Variants in DNAH11 observed in about 807,000 individuals in gnomAD.
The protein encoded by DNAH11 is dynein axonemal heavy chain 11.
In DNAH11, 442 loss-of-function variants were observed where a neutral mutation model predicts 526.0. The ratio of observed to expected loss-of-function variants is 0.84; its 90% confidence interval spans 0.78 to 0.91. The LOEUF (loss-of-function observed/expected upper bound fraction) is 0.91, where lower values mean the gene tolerates loss of function less well. DNAH11 is among the 40% of genes least tolerant of loss of function. The pLI, the probability that DNAH11 is intolerant of heterozygous loss-of-function variation, is 0.00. For missense variants in DNAH11, 6,989 were observed against 5,448.7 expected, an observed-to-expected ratio of 1.28 and a Z score of -8.90; for synonymous variants, 2,461 against 1,935.9, an observed-to-expected ratio of 1.27 and a Z score of -7.12.
rs961348791 is a variant in DNAH11, at chr7:21,567,692, A to G, written c.1195-2377A>G. ...GATCTACTTTACTCAGTTTCATTAC[A>G]TGCTTGACCCTATGACGGGAATGCC... is the stretch of plus-strand genomic sequence containing the variant. On this transcript the variant is annotated intron_variant, in intron 6 of 81. Transcript: ENST00000409508. Among the ~76,000 whole-genome samples the G allele has an allele frequency of 5.9e-5, 9 of 152,336 alleles. No homozygotes were observed. The South Asian group carries it at 1.9e-3, about 32-fold the overall frequency.
chr7:21,838,754 G>T (rs1457872757), intron 65 of DNAH11, among the ~76,000 whole-genome samples: 1 of 123,886 alleles, frequency 8.1e-6, no homozygotes, highest in Non-Finnish European at 1.7e-5. Context: ...TTATTTTTGA[G>T]ACAGGGTCTC....
At position 21,852,644 on chromosome 7, in the gene DNAH11, G is replaced by A. The variant is rs1470855949; in HGVS notation, c.11061+13G>A. 1 of 1,565,404 alleles carries A rather than the reference G, an allele frequency of 6.4e-7. No individual in the cohort carries two copies. Among genetic ancestry groups the A allele is most frequent in the Non-Finnish European group, 8.6e-7 (1 of 1,159,324 alleles). ...GATAGAGCACAAGGTAGGAAGGGCA[G>A]AGGGTGCCTGGCAGATTCTAATGCT... On this transcript the variant is annotated intron_variant, in intron 67 of 81. Transcript: ENST00000409508.
At chr7:21,704,369 CT>C in intron 37 of DNAH11, 64 bp from the exon 38 acceptor site, 2 of 1,470,326 alleles carry the variant, frequency 1.4e-6, no homozygotes, top group Non-Finnish European at 1.8e-6. Context: ...TAACAAACAT[CT>C]TTAGTTTTTT....
chr7:21,704,121 GA>G (rs1784167352), intron 37 of DNAH11, among the ~76,000 whole-genome samples: 1 of 152,182 alleles, frequency 6.6e-6, no homozygotes, highest in Non-Finnish European at 1.5e-5. Context: ...TTAAATTCTG[GA>G]GTTTGAGGAT....
chr7:21,614,456 A>G (rs1785673557), intron 20 of DNAH11, among the ~76,000 whole-genome samples: 1 of 152,236 alleles, frequency 6.6e-6, no homozygotes, highest in Non-Finnish European at 1.5e-5. Flanking sequence ...CCATGTAAGC[A>G]TAGTACCATT....
At chr7:21,630,798 A>C (rs570315090) in intron 25 of DNAH11, among the ~76,000 whole-genome samples, 1 of 152,188 alleles carries the variant, frequency 6.6e-6, no homozygotes, top group East Asian at 1.9e-4. Context: ...GACTTGGAGT[A>C]GTATTATTTG....
rs1322440990 is a variant in DNAH11, at chr7:21,901,425, C to G, written c.*171C>G. 1.1e-6 allele frequency: 1 copy of G among 951,542 alleles called. No individual in the cohort carries two copies. Among genetic ancestry groups the G allele is most frequent in the Non-Finnish European group, 1.4e-6 (1 of 705,558 alleles). The allele number at this position is 951,542 out of a possible 1,614,324, so 58.9% of individuals were successfully genotyped here. A position where few individuals can be genotyped will look rare whatever the true frequency, so the allele number is the denominator to read the frequency against. ...CAGAAAAAAATACTAGAAACTAACTCAGGGCTGAGCGTGGTGGCACACGAC... is the reference window on the plus strand; with the variant it reads ...CAGAAAAAAATACTAGAAACTAACTGAGGGCTGAGCGTGGTGGCACACGAC... On this transcript the variant is annotated 3_prime_UTR_variant, in exon 82 of 82. Coordinates refer to ENST00000409508, the MANE Select transcript of DNAH11 (RefSeq NM_001277115.2).
chr7:21,700,867 C>T (rs1367282522), intron 36 of DNAH11, among the ~76,000 whole-genome samples: 8 of 152,040 alleles, frequency 5.3e-5, no homozygotes, highest in Non-Finnish European at 8.8e-5. Flanking sequence ...GAATAAGAAA[C>T]CAAACACCAC....
intron 39 of DNAH11, 112 bp downstream of exon 39, chr7:21,705,649 T>C: frequency 2.0e-6 from 2 of 1,014,916 alleles, no homozygotes; most frequent in East Asian, 2.8e-5. Context: ...AAGCCCACCA[T>C]AATTTTGGGT....
At chr7:21,707,272 G>C (rs1784305484) in intron 39 of DNAH11, among the ~76,000 whole-genome samples, 1 of 152,106 alleles carries the variant, frequency 6.6e-6, no homozygotes, top group South Asian at 2.1e-4. Context: ...AGAAGCTCTG[G>C]GATTGGGCTC....
chr7:21,655,796 G>A, intron 28 of DNAH11, 36 bp from the exon 29 acceptor site: 1 of 1,586,318 alleles, frequency 6.3e-7, no homozygotes, highest in South Asian at 1.1e-5. Flanking sequence ...CCTACAGTAA[G>A]AAATGTTCTT....
Position 21,778,988 on chromosome 7 carries a change from C to T in DNAH11, c.9367C>T (p.Gln3123Ter). 6.2e-7 allele frequency: 1 copy of T among 1,613,260 alleles called. No individual in the cohort carries two copies. The highest frequency in any genetic ancestry group is 2.2e-5 in the East Asian group (1 of 44,822). The change falls in exon 57 of 82, where the codon CAA becomes TAA. Residue 3123 changes from glutamine to a stop codon, truncating the protein, a stop_gained. Transcript: ENST00000409508. LOFTEE classifies it high-confidence loss of function. ...VGDLKARLAS[Q>*]EAELQLRNHD... ...AGATCTAAAAGCCAGACTTGCCTCTCAAGAAGCCGAGCTGCAACTGAGAAA... is the reference window on the plus strand; with the variant it reads ...AGATCTAAAAGCCAGACTTGCCTCTTAAGAAGCCGAGCTGCAACTGAGAAA...
At chr7:21,856,449 G>A (rs1045158000) in intron 68 of DNAH11, among the ~76,000 whole-genome samples, 3 of 152,202 alleles carry the variant, frequency 2.0e-5, no homozygotes, top group African/African-American at 7.2e-5. Context: ...GTAACCATGT[G>A]TGAGGAGAAG....
At chr7:21,783,025 C>T (rs1189241662) in intron 57 of DNAH11, among the ~76,000 whole-genome samples, 1 of 151,938 alleles carries the variant, frequency 6.6e-6, no homozygotes, top group Non-Finnish European at 1.5e-5. Context: ...TTTAATGATG[C>T]CATTATAAAT....
At chr7:21,844,194 C>T (rs1195462098) in intron 66 of DNAH11, among the ~76,000 whole-genome samples, 4 of 152,122 alleles carry the variant, frequency 2.6e-5, no homozygotes, top group African/African-American at 9.7e-5. Context: ...GGCTGGATCA[C>T]TTGAGGGAAG....
chr7:21,696,996 G>A (rs1783880739), intron 35 of DNAH11, among the ~76,000 whole-genome samples: 1 of 152,090 alleles, frequency 6.6e-6, no homozygotes, highest in Non-Finnish European at 1.5e-5. Context: ...AGTAATAACT[G>A]TGTGAAAAAA....
chr7:21,866,272 C>G (rs1321404352), intron 70 of DNAH11, among the ~76,000 whole-genome samples, 198 bp from the exon 71 acceptor site: 1 of 147,700 alleles, frequency 6.8e-6, no homozygotes, highest in Non-Finnish European at 1.5e-5. Context: ...GGTCAGGGAA[C>G]CAGGGAACTC....
intron 39 of DNAH11, 52 bp from the exon 40 acceptor site, chr7:21,707,647 A>G (rs1175462634): frequency 6.3e-7 from 1 of 1,577,922 alleles, no homozygotes; most frequent in East Asian, 2.3e-5. Flanking sequence ...TTTACTTTCC[A>G]TTTGGCTTAT....
chr7:21,587,244 A>T lies in DNAH11; in HGVS notation c.1711-820A>T, dbSNP rs567487492. On this transcript the variant is annotated intron_variant, in intron 9 of 81. Coordinates refer to ENST00000409508, the MANE Select transcript of DNAH11 (RefSeq NM_001277115.2). ...ATAACTAAGCTTTGTGAACACCGGC[A>T]GTGAAGGTAAGTTTGAAATCTAGGG... Among the ~76,000 whole-genome samples, 40 of 152,164 alleles carry T rather than the reference A, an allele frequency of 2.6e-4. 1 individual carries two copies. Among genetic ancestry groups the T allele is most frequent in the Admixed American group, 1.3e-3 (20 of 15,272 alleles).
Sources: gnomAD v4.1 joint callset for allele counts (sites outside exome capture counted in the v4.1 genomes callset) on GRCh38, gnomAD v4.1.1 for gene constraint, MANE v1.5 for transcripts, NCBI Gene and HGNC (gene_info 2026-07-23, HGNC 2026-07-21) for gene names.